Variants in CEP112 observed in about 807,000 individuals in gnomAD.
The protein encoded by CEP112 is centrosomal protein of 112 kDa.
In CEP112, 127 loss-of-function variants were observed where a neutral mutation model predicts 153.0. That is an observed-to-expected ratio of 0.83 (90% CI 0.72 to 0.96). The LOEUF is 0.96. CEP112 is among the 40% of genes least tolerant of loss of function. CEP112 has a pLI of 0.00. For missense variants in CEP112, 1,089 were observed against 1,101.2 expected (o/e 0.99, Z 0.16); for synonymous variants, 358 against 374.4 (o/e 0.96, Z 0.51).
chr17:65,674,336 G>A (rs1216694931), intron 24 of CEP112, among the ~76,000 whole-genome samples: 1 of 152,222 alleles, frequency 6.6e-6, no homozygotes, highest in African/African-American at 2.4e-5. Context: ...GCAAGGCAGG[G>A]AAGAATTATG....
intron 4 of CEP112, among the ~76,000 whole-genome samples, chr17:66,142,660 A>G (rs1260831801): frequency 6.6e-6 from 1 of 152,178 alleles, no homozygotes; most frequent in African/African-American, 2.4e-5. Flanking sequence ...AGTTGACTGT[A>G]AATGCGTGGG....
chr17:65,657,449 C>T (rs1036262898), intron 24 of CEP112, among the ~76,000 whole-genome samples: 3 of 152,140 alleles, frequency 2.0e-5, no homozygotes, highest in African/African-American at 7.2e-5. Flanking sequence ...TGGACAGGTA[C>T]ATGTTGAAGA....
chr17:65,759,758 CTTTGA>C (rs1462496045), intron 21 of CEP112, among the ~76,000 whole-genome samples: 1 of 152,026 alleles, frequency 6.6e-6, no homozygotes, highest in Non-Finnish European at 1.5e-5. Context: ...TTTAGTTGTT[CTTTGA>C]TTTATTTAAT....
intron 6 of CEP112, among the ~76,000 whole-genome samples, chr17:66,113,865 T>C (rs2069166076): frequency 6.6e-6 from 1 of 152,230 alleles, no homozygotes; most frequent in African/African-American, 2.4e-5. Flanking sequence ...ATCTATTTTC[T>C]GATTTTGTAA....
chr17:65,982,066 C>G (rs2063247727), intron 17 of CEP112, among the ~76,000 whole-genome samples: 2 of 151,622 alleles, frequency 1.3e-5, no homozygotes, highest in Admixed American at 1.3e-4. Context: ...AAATATTTTT[C>G]TTTTTAATTT....
At chr17:65,967,180 C>G (rs770023793) in intron 17 of CEP112, among the ~76,000 whole-genome samples, 9 of 152,180 alleles carry the variant, frequency 5.9e-5, no homozygotes, top group Non-Finnish European at 1.2e-4. Flanking sequence ...AGCTTGCCCA[C>G]AGGGTCAAAC....
At position 65,655,278 on chromosome 17, in the gene CEP112, G is replaced by C. The variant is rs936384572; in HGVS notation, c.2698-14213C>G. The C allele has an allele frequency of 6.5e-6, 8 of 1,234,536 alleles. No individual in the cohort carries two copies. The South Asian group carries it at 9.6e-5, about 15-fold the overall frequency. 76.5% of individuals were successfully genotyped at this position (1,234,536 alleles called of 1,614,324 possible). On this transcript the variant is annotated intron_variant, in intron 24 of 26. Coordinates refer to ENST00000535342, the MANE Select transcript of CEP112 (RefSeq NM_001199165.4). ...TCTATGGTGCAGACTGCCTTTGTTG[G>C]GTGCAGGCTGAGCGACCGCAGCCTC... is the stretch of plus-strand genomic sequence containing the variant.
intron 21 of CEP112, among the ~76,000 whole-genome samples, chr17:65,751,389 G>C (rs1490830200): frequency 6.6e-6 from 1 of 152,114 alleles, no homozygotes; most frequent in Non-Finnish European, 1.5e-5. Flanking sequence ...CTGCTCTCTG[G>C]AAACTTTTGG....
chr17:65,861,741 C>T (rs1365048277), intron 20 of CEP112, among the ~76,000 whole-genome samples: 1 of 152,150 alleles, frequency 6.6e-6, no homozygotes, highest in African/African-American at 2.4e-5. Context: ...TCTGACAATA[C>T]CAAATGCTGG....
intron 17 of CEP112, among the ~76,000 whole-genome samples, chr17:65,987,016 G>GA (rs1362054837): frequency 6.6e-6 from 1 of 151,916 alleles, no homozygotes; most frequent in African/African-American, 2.4e-5. Flanking sequence ...TGAGTAATGA[G>GA]AAAAAAATAC....
intron 20 of CEP112, among the ~76,000 whole-genome samples, chr17:65,872,102 T>C (rs1421946377): frequency 3.3e-5 from 5 of 152,356 alleles, no homozygotes; most frequent in South Asian, 2.1e-4. Flanking sequence ...ACTAAATTCA[T>C]GGTAATATTA....
intron 10 of CEP112, among the ~76,000 whole-genome samples, 179 bp downstream of exon 10, chr17:66,066,598 CA>C (rs1270586600): frequency 6.4e-5 from 8 of 124,848 alleles, no homozygotes; most frequent in Non-Finnish European, 8.8e-5. Flanking sequence ...CACACACACA[CA>C]AATAAACACA....
At chr17:65,675,863 C>G (rs559932821) in intron 24 of CEP112, among the ~76,000 whole-genome samples, 21 of 151,990 alleles carry the variant, frequency 1.4e-4, no homozygotes, top group African/African-American at 5.1e-4. Context: ...CATATGATTA[C>G]TTCAAAAGAT....
At chr17:66,102,448 G>A (rs917161506) in intron 6 of CEP112, among the ~76,000 whole-genome samples, 1 of 151,962 alleles carries the variant, frequency 6.6e-6, no homozygotes, top group Non-Finnish European at 1.5e-5. Context: ...ATATATTGTG[G>A]AGTTTATAAC....
chr17:65,689,447 T>C (rs1170889713), intron 23 of CEP112, among the ~76,000 whole-genome samples: 2 of 152,152 alleles, frequency 1.3e-5, no homozygotes, highest in Non-Finnish European at 1.5e-5. Context: ...AATTGGCAGA[T>C]GTCAATCATA....
At chr17:66,141,662 T>C (rs1442694149) in intron 4 of CEP112, among the ~76,000 whole-genome samples, 1 of 152,210 alleles carries the variant, frequency 6.6e-6, no homozygotes, top group Non-Finnish European at 1.5e-5. Context: ...ATTGGCTATT[T>C]AACTCAGCAA....
chr17:66,031,561 T>A (rs2065486428), intron 12 of CEP112, among the ~76,000 whole-genome samples: 1 of 149,178 alleles, frequency 6.7e-6, no homozygotes, highest in Non-Finnish European at 1.5e-5. Context: ...CAGGCTCAGG[T>A]GATCCTCCCA....
intron 12 of CEP112, among the ~76,000 whole-genome samples, chr17:66,050,152 G>A (rs1179024378): frequency 6.6e-6 from 1 of 152,136 alleles, no homozygotes; most frequent in Non-Finnish European, 1.5e-5. Context: ...AAAACCAAGT[G>A]GGGTCACATT....
chr17:65,834,026 G>A (rs2057198824), intron 21 of CEP112, among the ~76,000 whole-genome samples: 1 of 152,046 alleles, frequency 6.6e-6, no homozygotes, highest in Non-Finnish European at 1.5e-5. Flanking sequence ...AAACAGTATA[G>A]AAAGCCCAGA....
Sources: gnomAD v4.1 joint callset for allele counts (sites outside exome capture counted in the v4.1 genomes callset) on GRCh38, gnomAD v4.1.1 for gene constraint, MANE v1.5 for transcripts, NCBI Gene and HGNC (gene_info 2026-07-23, HGNC 2026-07-21) for gene names.